Variants in CLYBL observed in about 807,000 individuals in gnomAD.
The protein encoded by CLYBL is citramalyl-CoA lyase, mitochondrial.
Under a neutral mutation model 38.9 loss-of-function variants are expected in CLYBL, and 31 were observed. The ratio of observed to expected loss-of-function variants is 0.80; its 90% CI spans 0.60 to 1.08. The LOEUF (loss-of-function observed/expected upper bound fraction) is 1.08, where lower values mean the gene tolerates loss of function less well. Ranked by LOEUF, CLYBL falls within the 50% of genes least tolerant of loss-of-function variation. CLYBL has a pLI of 0.00. For synonymous variants in CLYBL, 171 were observed against 158.6 expected (o/e 1.08, Z -0.59); for missense variants, 434 against 411.6 (o/e 1.05, Z -0.47).
chr13:99,663,830 C>T (rs146403440), intron 1 of CLYBL, among the ~76,000 whole-genome samples: 62 of 152,286 alleles, frequency 4.1e-4, no homozygotes, highest in African/African-American at 1.3e-3. Flanking sequence ...GAGCTTATTA[C>T]GGGCCTGGCT....
At position 99,711,563 on chromosome 13, in the gene CLYBL, C is replaced by T. The variant is rs187643719; in HGVS notation, c.63-61261C>T. On this transcript the variant is annotated intron_variant, in intron 1 of 8. Coordinates refer to ENST00000339105, the MANE Select transcript of CLYBL (RefSeq NM_206808.5). Reference sequence around the variant, plus strand: ...CTGGGATTACAGGCATGCACCACCACGCCCGGCTAATTTTGTATTTTTAGT... The same window carrying T: ...CTGGGATTACAGGCATGCACCACCATGCCCGGCTAATTTTGTATTTTTAGT... 1.3e-3 allele frequency among the ~76,000 whole-genome samples: 199 copies of T among 151,762 alleles called. 3 individuals are homozygous for T. The East Asian group carries it at 0.031, about 24-fold the overall frequency.
Position 99,889,204 on chromosome 13 carries a change from G to A in CLYBL, c.928-2114G>A, listed in dbSNP as rs969686052. ...CCACCGTTTGGATTCTCTGCGCACC[G>A]TTTTGATTTCCTGTGCATCTATGCT... On this transcript the variant is annotated intron_variant, in intron 7 of 8. Transcript: ENST00000339105. Among the ~76,000 whole-genome samples, 3 of 152,178 alleles carry A rather than the reference G, an allele frequency of 2.0e-5. No individual in the cohort carries two copies. The East Asian group carries it at 5.8e-4, about 29-fold the overall frequency.
intron 2 of CLYBL, among the ~76,000 whole-genome samples, chr13:99,845,216 T>G (rs138975058): frequency 6.6e-6 from 1 of 152,284 alleles, no homozygotes; most frequent in African/African-American, 2.4e-5. Context: ...GAGAAGCCGT[T>G]GAACGTCCAC....
chr13:99,698,269 G>C (rs974683012), intron 1 of CLYBL, among the ~76,000 whole-genome samples: 2 of 152,010 alleles, frequency 1.3e-5, no homozygotes, highest in South Asian at 2.1e-4. Flanking sequence ...TTGGCTCACT[G>C]CAACCTCCAC....
At chr13:99,687,981 T>C (rs2047842586) in intron 1 of CLYBL, among the ~76,000 whole-genome samples, 1 of 152,196 alleles carries the variant, frequency 6.6e-6, no homozygotes, top group South Asian at 2.1e-4. Context: ...TGGGCCCAGA[T>C]GGCCCTTAAA....
At chr13:99,839,062 T>C (rs1205838596) in intron 2 of CLYBL, among the ~76,000 whole-genome samples, 1 of 152,224 alleles carries the variant, frequency 6.6e-6, no homozygotes, top group Non-Finnish European at 1.5e-5. Context: ...AGAGTTACAT[T>C]TGTAATCAAC....
intron 1 of CLYBL, among the ~76,000 whole-genome samples, chr13:99,646,730 T>C (rs931300903): frequency 2.6e-5 from 4 of 151,278 alleles, no homozygotes; most frequent in African/African-American, 9.7e-5. Context: ...TTCACCATCT[T>C]GGCCAGGTTG....
intron 1 of CLYBL, among the ~76,000 whole-genome samples, chr13:99,660,012 CAGAG>C (rs2047386491): frequency 6.6e-6 from 1 of 152,034 alleles, no homozygotes; most frequent in Non-Finnish European, 1.5e-5. Context: ...CCTGTGGAGA[CAGAG>C]AGGAGATAGC....
intron 3 of CLYBL, among the ~76,000 whole-genome samples, chr13:99,862,422 A>AT (rs1237187222): frequency 6.6e-6 from 1 of 152,186 alleles, no homozygotes; most frequent in Non-Finnish European, 1.5e-5. Context: ...CATGGAAAAA[A>AT]TTGGCGAGCT....
chr13:99,608,086 TCCGAGATGGAGTTTCGC>T (rs2046559879), intron 1 of CLYBL, among the ~76,000 whole-genome samples: 6 of 77,574 alleles, frequency 7.7e-5, no homozygotes, highest in Admixed American at 1.5e-4. Context: ...TTTTTTTTTT[TCCGAGATGGAGTTTCGC>T]TTTTGTCGCC....
intron 2 of CLYBL, among the ~76,000 whole-genome samples, chr13:99,778,607 C>T (rs960349489): frequency 6.6e-6 from 1 of 152,130 alleles, no homozygotes; most frequent in Non-Finnish European, 1.5e-5. Context: ...TAAGTAGCTC[C>T]TTCATGTCAA....
chr13:99,725,851 C>G (rs1002897557), intron 1 of CLYBL, among the ~76,000 whole-genome samples: 1 of 152,108 alleles, frequency 6.6e-6, no homozygotes, highest in East Asian at 1.9e-4. Flanking sequence ...GCAGGAGGGT[C>G]GGTTCTTGGG....
At chr13:99,705,229 T>A (rs2048128424) in intron 1 of CLYBL, among the ~76,000 whole-genome samples, 1 of 151,554 alleles carries the variant, frequency 6.6e-6, no homozygotes, top group South Asian at 2.1e-4. Context: ...GTAACTACAA[T>A]GTGGTGTACA....
At chr13:99,762,335 A>AT (rs1296794440) in intron 1 of CLYBL, among the ~76,000 whole-genome samples, 1 of 151,860 alleles carries the variant, frequency 6.6e-6, no homozygotes, top group Non-Finnish European at 1.5e-5. Flanking sequence ...TTTTTACTTG[A>AT]TTTTTGTGTA....
chr13:99,740,176 G>C (rs1004443169), intron 1 of CLYBL, among the ~76,000 whole-genome samples: 4 of 152,160 alleles, frequency 2.6e-5, no homozygotes, highest in African/African-American at 9.7e-5. Flanking sequence ...ACGTGCCCAG[G>C]AACGCTCTAT....
At chr13:99,763,953 T>C (rs2049216820) in intron 1 of CLYBL, among the ~76,000 whole-genome samples, 1 of 152,186 alleles carries the variant, frequency 6.6e-6, no homozygotes, top group Admixed American at 6.5e-5. Flanking sequence ...TTTTCCTTTT[T>C]TCGTCATGTC....
chr13:99,774,059 AT>A (rs2049457774), intron 2 of CLYBL, among the ~76,000 whole-genome samples: 1 of 138,070 alleles, frequency 7.2e-6, no homozygotes, highest in African/African-American at 2.9e-5. Context: ...GCAAAACCCC[AT>A]TTCTACCAAA....
At chr13:99,801,725 A>G (rs1314459971) in intron 2 of CLYBL, among the ~76,000 whole-genome samples, 1 of 152,210 alleles carries the variant, frequency 6.6e-6, no homozygotes, top group East Asian at 1.9e-4. Context: ...AACACCTAGT[A>G]AGAAAACACG....
chr13:99,715,546 G>A (rs375824031), intron 1 of CLYBL, among the ~76,000 whole-genome samples: 1 of 151,820 alleles, frequency 6.6e-6, no homozygotes, highest in South Asian at 2.1e-4. Context: ...GGGACTACAG[G>A]TGCATGCCAC....
Sources: allele counts gnomAD v4.1 joint callset (sites outside exome capture counted in the v4.1 genomes callset), GRCh38; gene constraint gnomAD v4.1.1; transcripts MANE v1.5; gene names NCBI Gene and HGNC (gene_info 2026-07-23, HGNC 2026-07-21).